CNKSR2: variants seen among roughly 807,000 people sequenced by gnomAD.
The protein encoded by CNKSR2 is connector enhancer of kinase suppressor of Ras 2.
Under a neutral mutation model 84.4 loss-of-function variants are expected in CNKSR2, and 14 were observed. The observed-to-expected ratio is 0.17, with a 90% confidence interval of 0.11 to 0.26. The LOEUF is 0.26. CNKSR2 is among the 10% of genes least tolerant of loss of function. CNKSR2 has a pLI of 1.00. For missense variants in CNKSR2, 485 were observed against 771.2 expected (o/e 0.63, Z 4.40); for synonymous variants, 275 against 277.9 (o/e 0.99, Z 0.10).
chrX:21,641,745 A>G, intron 20 of CNKSR2: 1 of 1,051,170 alleles, frequency 9.5e-7, no homozygotes. Flanking sequence ...AGACTTGTAA[A>G]AAGCTTAGAT....
intron 1 of CNKSR2, among the ~76,000 whole-genome samples, chrX:21,409,228 T>TTATATATATATA (rs57301315): frequency 1.0e-4 from 4 of 38,451 alleles, no homozygotes; most frequent in African/African-American, 1.8e-4. Context: ...AATGAAAAAA[T>TTATATATATATA]TATATATATA....
In CNKSR2 at chrX:21,581,713, GGTGA is replaced by G. The variant is rs2092354167; in HGVS notation, c.1609-8856_1609-8853del. 1.8e-5 allele frequency among the ~76,000 whole-genome samples: 2 copies of G among 112,093 alleles called. 1 individual carries two copies. Among genetic ancestry groups the G allele is most frequent in the South Asian group, 7.3e-4 (2 of 2,722 alleles). ...ATACCTCAGTGTCCCACACATAGGT[GGTGA>G]GTAACTATTCAATTCATGCCTTCAA... On this transcript the variant is annotated intron_variant, in intron 13 of 21. Transcript: ENST00000379510.
intron 1 of CNKSR2, 150 bp downstream of exon 1, chrX:21,375,111 G>A (rs1310342397): frequency 1.9e-6 from 1 of 515,236 alleles, no homozygotes; most frequent in African/African-American, 2.3e-5. Flanking sequence ...CTCCAGGACT[G>A]GCAGGGGCCT....
intron 20 of CNKSR2, among the ~76,000 whole-genome samples, chrX:21,635,479 AATATATGTATATGTGTATATATGT>A (rs1262242233): frequency 2.0e-5 from 2 of 100,526 alleles, no homozygotes; most frequent in African/African-American, 3.6e-5. Flanking sequence ...TGTATATATA[AATATATGTATATGTGTATATATGT>A]ATATATGTAT....
chrX:21,573,247 C>A (rs755090823), intron 13 of CNKSR2, among the ~76,000 whole-genome samples: 1 of 112,253 alleles, frequency 8.9e-6, no homozygotes, highest in Non-Finnish European at 1.9e-5. Context: ...GGTACAGCCC[C>A]CCTCCTAACT....
At chrX:21,641,440 T>C (rs2092691285) in intron 20 of CNKSR2, 1 of 1,045,466 alleles carries the variant, frequency 9.6e-7, no homozygotes. Flanking sequence ...GGGTATTGCA[T>C]GATGGTATTT....
intron 1 of CNKSR2, among the ~76,000 whole-genome samples, chrX:21,416,664 G>T (rs747841490): frequency 9.0e-6 from 1 of 111,070 alleles, no homozygotes; most frequent in African/African-American, 3.3e-5. Context: ...ATCTTGGTAG[G>T]TTGTTTTTGT....
chrX:21,421,287 GTTT>G (rs756375947), intron 1 of CNKSR2, among the ~76,000 whole-genome samples: 5 of 86,938 alleles, frequency 5.8e-5, no homozygotes, highest in African/African-American at 2.1e-4. Flanking sequence ...ATTTAAGATG[GTTT>G]TTTTTTTTTT....
chrX:21,478,709 A>G (rs1160195791), intron 5 of CNKSR2, among the ~76,000 whole-genome samples: 1 of 111,322 alleles, frequency 9.0e-6, no homozygotes, highest in Non-Finnish European at 1.9e-5. Context: ...CCATTCTGGC[A>G]TTTACTAGCT....
At chrX:21,529,159 TTGAAAAA>T (rs1167402189) in intron 10 of CNKSR2, among the ~76,000 whole-genome samples, 7 of 111,262 alleles carry the variant, frequency 6.3e-5, no homozygotes, top group Non-Finnish European at 1.9e-5. Context: ...GAAAACAGAC[TTGAAAAA>T]TGATAGGACT....
At chrX:21,485,862 C>T (rs1173692888) in intron 5 of CNKSR2, among the ~76,000 whole-genome samples, 1 of 112,072 alleles carries the variant, frequency 8.9e-6, no homozygotes, top group African/African-American at 3.2e-5. Flanking sequence ...GGGCTGGGTG[C>T]AGTGGCTCAC....
chrX:21,598,706 G>A (rs2092463723), intron 17 of CNKSR2, among the ~76,000 whole-genome samples: 1 of 112,013 alleles, frequency 8.9e-6, no homozygotes, highest in Admixed American at 9.5e-5. Context: ...TTTTTAAATA[G>A]CATTTGCTAC....
At chrX:21,442,930 T>A (rs2090803794) in intron 4 of CNKSR2, among the ~76,000 whole-genome samples, 1 of 110,617 alleles carries the variant, frequency 9.0e-6, no homozygotes, top group African/African-American at 3.3e-5. Context: ...ATCTTCTCAC[T>A]TATAAGTGGG....
chrX:21,388,709 C>T (rs748104104), intron 1 of CNKSR2, among the ~76,000 whole-genome samples: 1 of 111,664 alleles, frequency 9.0e-6, no homozygotes, highest in East Asian at 2.8e-4. Context: ...GGAGAAGAGA[C>T]AAATCATCCA....
chrX:21,477,985 A>G (rs1022334514), intron 5 of CNKSR2, among the ~76,000 whole-genome samples: 1 of 111,842 alleles, frequency 8.9e-6, no homozygotes, highest in African/African-American at 3.2e-5. Context: ...TCTTGATCCA[A>G]ATGCAAACTG....
At chrX:21,476,298 A>G (rs777649586) in intron 5 of CNKSR2, among the ~76,000 whole-genome samples, 1 of 111,952 alleles carries the variant, frequency 8.9e-6, no homozygotes, top group South Asian at 3.7e-4. Context: ...AAAATAGTAC[A>G]TTAAACTAAC....
rs2092723901 is a variant in CNKSR2, at chrX:21,652,718, TTA to T, written c.*199_*200del. On this transcript the variant is annotated 3_prime_UTR_variant, in exon 22 of 22. Coordinates refer to ENST00000379510, the MANE Select transcript of CNKSR2 (RefSeq NM_014927.5). ...TATTTTATATGCAACAGTGCTCAGC[TTA>T]TGTTTACCATGTGCAAAATCAACTG... The T allele has an allele frequency of 2.7e-6, 1 of 368,713 alleles. No homozygotes were observed. The highest frequency in any genetic ancestry group is 2.6e-5 in the African/African-American group (1 of 38,699). The allele number at this position is 368,713 out of a possible 1,213,427, so 30.4% of individuals were successfully genotyped here.
chrX:21,434,898 A>G (rs1361765609), intron 3 of CNKSR2, among the ~76,000 whole-genome samples: 1 of 107,642 alleles, frequency 9.3e-6, no homozygotes, highest in Non-Finnish European at 1.9e-5. Context: ...CACAGAGCAG[A>G]TATTGTTATC....
Position 21,595,699 on chromosome X carries a change from A to T in CNKSR2, c.1976+304A>T, listed in dbSNP as rs376725778. On this transcript the variant is annotated intron_variant, in intron 17 of 21. Transcript: ENST00000379510. ...AATATGTCTTAAAATTGACTCCCAGATGGGGGAAAAAGAGATGTCTACCAA... is the reference window on the plus strand; with the variant it reads ...AATATGTCTTAAAATTGACTCCCAGTTGGGGGAAAAAGAGATGTCTACCAA... 2.7e-4 allele frequency among the ~76,000 whole-genome samples: 30 copies of T among 112,024 alleles called. No homozygotes were observed. In the East Asian group the frequency reaches 6.7e-3, roughly 25 times the overall value.
Sources: allele counts gnomAD v4.1 joint callset (sites outside exome capture counted in the v4.1 genomes callset), GRCh38; gene constraint gnomAD v4.1.1; transcripts MANE v1.5; gene names NCBI Gene and HGNC (gene_info 2026-07-23, HGNC 2026-07-21).